ACOXL: variants seen among roughly 807,000 people sequenced by gnomAD.
ACOXL encodes the protein acyl-coenzyme A oxidase-like protein.
A neutral mutation model predicts 71.9 loss-of-function variants in ACOXL; 70 were observed. The observed-to-expected ratio is 0.97, with a 90% CI of 0.80 to 1.19. The LOEUF (loss-of-function observed/expected upper bound fraction) is 1.19, where lower values mean the gene tolerates loss of function less well. ACOXL is among the 50% of genes most tolerant of loss of function. The probability of loss-of-function intolerance (pLI) is 0.00; values close to 1 mark genes in which losing one functional copy is unlikely to be tolerated. For synonymous variants in ACOXL, 253 were observed against 281.6 expected, an observed-to-expected ratio of 0.90 and a Z score of 1.02; for missense variants, 703 against 736.3, an observed-to-expected ratio of 0.95 and a Z score of 0.52.
At chr2:110,759,932 A>G (rs1244382433) in intron 1 of ACOXL, among the ~76,000 whole-genome samples, 1 of 151,918 alleles carries the variant, frequency 6.6e-6, no homozygotes, top group Non-Finnish European at 1.5e-5. Flanking sequence ...ATTTATTCTA[A>G]TGTATATTTT....
chr2:110,768,511 T>TGAGAGA, intron 2 of ACOXL, 47 bp downstream of exon 2: 1 of 1,403,032 alleles, frequency 7.1e-7, no homozygotes, highest in Non-Finnish European at 9.9e-7. Context: ...TGTGTGTGTG[T>TGAGAGA]GTGAGAGAGA....
At chr2:110,898,955 G>A (rs1193473664) in intron 10 of ACOXL, among the ~76,000 whole-genome samples, 1 of 152,044 alleles carries the variant, frequency 6.6e-6, no homozygotes, top group Non-Finnish European at 1.5e-5. Flanking sequence ...ATGAACATAA[G>A]GGTATCAGAA....
intron 12 of ACOXL, among the ~76,000 whole-genome samples, chr2:110,972,762 T>A (rs994707463): frequency 2.0e-5 from 3 of 152,138 alleles, no homozygotes; most frequent in African/African-American, 7.2e-5. Context: ...CCTCTCTCAA[T>A]GGAGTCATGC....
rs1223573948 is a variant in ACOXL, at chr2:111,117,937, T to A, written c.*121T>A. On this transcript the variant is annotated 3_prime_UTR_variant, in exon 18 of 18. Coordinates refer to ENST00000439055, the MANE Select transcript of ACOXL (RefSeq NM_001142807.4). Reference sequence around the variant, plus strand: ...CGCTGGGCCGCCACTCTCGGGGATTTTGGTGGCAAAGCGGAGGTCCCGCCG... The same window carrying A: ...CGCTGGGCCGCCACTCTCGGGGATTATGGTGGCAAAGCGGAGGTCCCGCCG... 35 of 1,243,940 alleles carry A rather than the reference T, an allele frequency of 2.8e-5. 1 individual carries two copies. The Admixed American group carries it at 9.1e-4, about 32-fold the overall frequency. 77.1% of individuals were successfully genotyped at this position (1,243,940 alleles called of 1,614,324 possible).
chr2:110,952,280 T>G (rs146043262), intron 12 of ACOXL, among the ~76,000 whole-genome samples: 238 of 152,320 alleles, frequency 1.6e-3, no homozygotes, highest in African/African-American at 5.5e-3. Context: ...CATGATACCC[T>G]TTTCTCTTTT....
chr2:110,954,515 A>G, intron 12 of ACOXL, among the ~76,000 whole-genome samples: 1 of 152,030 alleles, frequency 6.6e-6, no homozygotes, highest in East Asian at 1.9e-4. Context: ...CACCCTAGCA[A>G]TTTTAACATG....
At chr2:110,947,460 G>T (rs2061151191) in intron 12 of ACOXL, among the ~76,000 whole-genome samples, 1 of 152,160 alleles carries the variant, frequency 6.6e-6, no homozygotes, top group South Asian at 2.1e-4. Flanking sequence ...TCAGGGCTCT[G>T]TGATCTTGGA....
At chr2:111,102,390 C>A (rs753684183) in intron 17 of ACOXL, among the ~76,000 whole-genome samples, 2 of 152,216 alleles carry the variant, frequency 1.3e-5, no homozygotes, top group Non-Finnish European at 2.9e-5. Context: ...TATCTGGAGA[C>A]TGAGCTGGGA....
intron 12 of ACOXL, among the ~76,000 whole-genome samples, chr2:110,986,605 C>T (rs1213546344): frequency 6.6e-6 from 1 of 152,168 alleles, no homozygotes; most frequent in Non-Finnish European, 1.5e-5. Context: ...CTTTGAACCG[C>T]CACAGAAGAG....
At chr2:110,878,988 C>T (rs1239184476) in intron 10 of ACOXL, among the ~76,000 whole-genome samples, 2 of 149,830 alleles carry the variant, frequency 1.3e-5, no homozygotes, top group African/African-American at 4.9e-5. Flanking sequence ...TCCCGGGAGG[C>T]GGAGGTTGCG....
At chr2:110,819,922 A>G (rs923838143) in intron 9 of ACOXL, among the ~76,000 whole-genome samples, 3 of 151,894 alleles carry the variant, frequency 2.0e-5, no homozygotes, top group Non-Finnish European at 4.4e-5. Flanking sequence ...AAATTACTTA[A>G]CCTCTCCAGG....
At chr2:111,075,484 A>T (rs1318555288) in intron 16 of ACOXL, among the ~76,000 whole-genome samples, 2 of 151,290 alleles carry the variant, frequency 1.3e-5, no homozygotes, top group African/African-American at 2.4e-5. Flanking sequence ...TGTCTTTGTA[A>T]ATTTGTTAGA....
chr2:110,889,751 A>G (rs916293625), intron 10 of ACOXL, among the ~76,000 whole-genome samples: 3 of 152,200 alleles, frequency 2.0e-5, no homozygotes, highest in African/African-American at 7.2e-5. Context: ...CAACTGATGG[A>G]CATTGGGTTG....
chr2:111,093,346 G>A, intron 17 of ACOXL: 1 of 977,236 alleles, frequency 1.0e-6, no homozygotes. Context: ...GTAGCCATGG[G>A]GAATTCAATA....
chr2:110,983,418 A>G (rs1235964519), intron 12 of ACOXL, among the ~76,000 whole-genome samples: 1 of 152,230 alleles, frequency 6.6e-6, no homozygotes, highest in Non-Finnish European at 1.5e-5. Context: ...CAGTTTCCAA[A>G]TGTTGGCTGT....
At chr2:111,001,406 A>G (rs1387907861) in intron 14 of ACOXL, among the ~76,000 whole-genome samples, 1 of 152,012 alleles carries the variant, frequency 6.6e-6, no homozygotes, top group Non-Finnish European at 1.5e-5. Context: ...ACAAAACAAA[A>G]CAAAACAAAA....
At chr2:110,824,171 T>C (rs1261348826) in intron 9 of ACOXL, among the ~76,000 whole-genome samples, 8 of 152,332 alleles carry the variant, frequency 5.3e-5, no homozygotes, top group African/African-American at 1.9e-4. Flanking sequence ...ACTCAGTTGA[T>C]TATATTTATG....
chr2:110,993,426 A>G (rs1197899561), intron 13 of ACOXL, among the ~76,000 whole-genome samples: 2 of 152,246 alleles, frequency 1.3e-5, no homozygotes, highest in Non-Finnish European at 1.5e-5. Context: ...TGAAATTGGC[A>G]TAATACTTTT....
At chr2:111,048,484 G>A (rs188356437) in intron 15 of ACOXL, among the ~76,000 whole-genome samples, 54 of 152,338 alleles carry the variant, frequency 3.5e-4, no homozygotes, top group Non-Finnish European at 7.1e-4. Context: ...AGTCAACACA[G>A]CCTACAGGAG....
Sources: allele counts gnomAD v4.1 joint callset (sites outside exome capture counted in the v4.1 genomes callset), GRCh38; gene constraint gnomAD v4.1.1; transcripts MANE v1.5; gene names NCBI Gene and HGNC (gene_info 2026-07-23, HGNC 2026-07-21).